The following UNC5D variants were observed in gnomAD, a reference collection of about 807,000 sequenced individuals.
The protein encoded by UNC5D is netrin receptor UNC5D.
UNC5D carries 39 observed loss-of-function variants against 105.4 expected under a neutral mutation model. The observed-to-expected ratio is 0.37, with a 90% CI of 0.29 to 0.48. UNC5D has a LOEUF of 0.48. Among genes scored for constraint, UNC5D ranks in the 20% least tolerant of loss-of-function variants. The probability of loss-of-function intolerance (pLI) is 0.98; values close to 1 mark genes in which losing one functional copy is unlikely to be tolerated. For synonymous variants in UNC5D, 452 were observed against 450.4 expected, an observed-to-expected ratio of 1.00 and a Z score of -0.04; for missense variants, 991 against 1,202.4, an observed-to-expected ratio of 0.82 and a Z score of 2.60.
intron 1 of UNC5D, among the ~76,000 whole-genome samples, chr8:35,303,451 G>A (rs941082810): frequency 3.3e-5 from 5 of 152,100 alleles, no homozygotes; most frequent in Non-Finnish European, 4.4e-5. Context: ...TAGAATACAT[G>A]GCTAAACAGT....
chr8:35,264,118 G>T (rs1469270573), intron 1 of UNC5D, among the ~76,000 whole-genome samples: 1 of 152,196 alleles, frequency 6.6e-6, no homozygotes, highest in African/African-American at 2.4e-5. Context: ...AGATAAAGTA[G>T]CATTTTGGAG....
intron 15 of UNC5D, 40 bp from the exon 16 acceptor site, chr8:35,774,259 T>A: frequency 6.2e-7 from 1 of 1,609,788 alleles, no homozygotes; most frequent in Non-Finnish European, 8.5e-7. Context: ...AGGACTGCTT[T>A]CAGATAGATC....
At chr8:35,281,774 C>A (rs1412971243) in intron 1 of UNC5D, among the ~76,000 whole-genome samples, 1 of 152,202 alleles carries the variant, frequency 6.6e-6, no homozygotes, top group Non-Finnish European at 1.5e-5. Context: ...GGAAATAAAT[C>A]CTGCCATGCC....
intron 4 of UNC5D, among the ~76,000 whole-genome samples, chr8:35,677,247 T>A (rs1056643929): frequency 3.3e-5 from 5 of 152,186 alleles, no homozygotes; most frequent in African/African-American, 1.2e-4. Flanking sequence ...GCACTATCAT[T>A]TTTTAAAAAT....
intron 1 of UNC5D, among the ~76,000 whole-genome samples, chr8:35,384,924 A>T (rs928878015): frequency 6.6e-6 from 1 of 152,188 alleles, no homozygotes; most frequent in East Asian, 1.9e-4. Context: ...AAGGGGAGTC[A>T]GTTACATGGG....
chr8:35,789,806 G>A (rs544550671), intron 16 of UNC5D, among the ~76,000 whole-genome samples: 1 of 151,974 alleles, frequency 6.6e-6, no homozygotes, highest in Non-Finnish European at 1.5e-5. Flanking sequence ...AAAGTAGAGA[G>A]GGGTCAAATA....
Position 35,412,135 on chromosome 8 carries a change from A to ATCATCT in UNC5D, c.104-137153_104-137148dup, listed in dbSNP as rs564477685. 2.6e-3 allele frequency among the ~76,000 whole-genome samples: 392 copies of ATCATCT among 152,172 alleles called. 1 individual carries two copies. The highest frequency in any genetic ancestry group is 8.8e-3 in the African/African-American group (366 of 41,550). On this transcript the variant is annotated intron_variant, in intron 1 of 16. Transcript: ENST00000404895. ...GTCAGTGTCTGGTGGTCTGCTTTAC[A>ATCATCT]TCATCTTCAGTAGAATTGCTTCCAG...
intron 4 of UNC5D, among the ~76,000 whole-genome samples, chr8:35,596,163 A>C (rs1440833910): frequency 2.0e-5 from 3 of 152,174 alleles, no homozygotes; most frequent in African/African-American, 2.4e-5. Context: ...TAGGGATATA[A>C]AAAATGATGA....
intron 4 of UNC5D, among the ~76,000 whole-genome samples, chr8:35,641,706 C>T (rs969547706): frequency 1.3e-5 from 2 of 152,090 alleles, no homozygotes; most frequent in Non-Finnish European, 2.9e-5. Flanking sequence ...GCTGTGTTCA[C>T]AGGACCTGTG....
intron 1 of UNC5D, among the ~76,000 whole-genome samples, chr8:35,470,747 C>A (rs1809651308): frequency 6.7e-6 from 1 of 150,006 alleles, no homozygotes; most frequent in Non-Finnish European, 1.5e-5. Context: ...CCAGCCTGGG[C>A]AACAGAGCAA....
At chr8:35,726,105 G>T in intron 9 of UNC5D, 47 bp from the exon 10 acceptor site, 1 of 1,568,354 alleles carries the variant, frequency 6.4e-7, no homozygotes, top group South Asian at 1.2e-5. Context: ...AGGAGTAACT[G>T]AGATGCCTTT....
At chr8:35,722,189 A>C (rs1828616407) in intron 8 of UNC5D, 21 bp from the exon 9 acceptor site, 1 of 1,608,074 alleles carries the variant, frequency 6.2e-7, no homozygotes, top group African/African-American at 1.3e-5. Flanking sequence ...GGTCACTTAC[A>C]ATTTCTCTTG....
intron 4 of UNC5D, among the ~76,000 whole-genome samples, chr8:35,639,741 T>C (rs1408812227): frequency 6.6e-6 from 1 of 152,072 alleles, no homozygotes; most frequent in Non-Finnish European, 1.5e-5. Flanking sequence ...ATAAAGTATT[T>C]TGACTTCTTT....
chr8:35,284,257 G>C (rs1298362511), intron 1 of UNC5D, among the ~76,000 whole-genome samples: 1 of 152,174 alleles, frequency 6.6e-6, no homozygotes, highest in Non-Finnish European at 1.5e-5. Context: ...CTAATAGCAA[G>C]TGTTTATTTC....
At chr8:35,730,437 G>A (rs1829122702) in intron 10 of UNC5D, among the ~76,000 whole-genome samples, 2 of 152,142 alleles carry the variant, frequency 1.3e-5, no homozygotes, top group South Asian at 4.1e-4. Context: ...TCATGGTTGT[G>A]CAATAATCTA....
At chr8:35,571,597 C>A (rs957753501) in intron 3 of UNC5D, among the ~76,000 whole-genome samples, 17 of 152,058 alleles carry the variant, frequency 1.1e-4, no homozygotes, top group African/African-American at 3.9e-4. Flanking sequence ...GATTTGCTTG[C>A]AGGGAAAAGA....
chr8:35,702,961 G>C (rs1040204477), intron 7 of UNC5D, among the ~76,000 whole-genome samples: 9 of 152,048 alleles, frequency 5.9e-5, no homozygotes, highest in Non-Finnish European at 8.8e-5. Flanking sequence ...GTCTTTGGTT[G>C]CTGGTCTGCA....
intron 1 of UNC5D, among the ~76,000 whole-genome samples, chr8:35,322,208 A>G (rs893572143): frequency 6.6e-6 from 1 of 152,266 alleles, no homozygotes; most frequent in Non-Finnish European, 1.5e-5. Flanking sequence ...TTCCTTGGCC[A>G]TGGATTTCTC....
At chr8:35,504,671 T>C (rs1812193661) in intron 1 of UNC5D, among the ~76,000 whole-genome samples, 1 of 152,218 alleles carries the variant, frequency 6.6e-6, no homozygotes, top group Non-Finnish European at 1.5e-5. Context: ...TCCCAGATTT[T>C]TGTATGCATC....
Sources: allele counts gnomAD v4.1 joint callset (sites outside exome capture counted in the v4.1 genomes callset), GRCh38; gene constraint gnomAD v4.1.1; transcripts MANE v1.5; gene names NCBI Gene and HGNC (gene_info 2026-07-23, HGNC 2026-07-21).